The following NOS1 variants were observed in gnomAD, a reference collection of about 807,000 sequenced individuals.
The protein encoded by NOS1 is nitric oxide synthase 1.
A neutral mutation model predicts 164.5 loss-of-function variants in NOS1; 51 were observed. The ratio of observed to expected loss-of-function variants is 0.31; its 90% CI spans 0.25 to 0.39. NOS1 has a LOEUF of 0.39. NOS1 is among the 10% of genes least tolerant of loss of function. The pLI is 1.00. For missense variants in NOS1, 1,362 were observed against 1,885.6 expected (o/e 0.72, Z 5.14); for synonymous variants, 719 against 745.8 (o/e 0.96, Z 0.59).
intron 9 of NOS1, among the ~76,000 whole-genome samples, chr12:117,273,168 T>C (rs1872918461): frequency 6.6e-6 from 1 of 152,194 alleles, no homozygotes; most frequent in African/African-American, 2.4e-5. Context: ...TTTGCAGCAC[T>C]TTATTAAAAT....
At chr12:117,352,761 T>G (rs955320039) in intron 1 of NOS1, among the ~76,000 whole-genome samples, 4 of 152,146 alleles carry the variant, frequency 2.6e-5, no homozygotes, top group Non-Finnish European at 4.4e-5. Context: ...TATATGCATG[T>G]GCACATGTAT....
At chr12:117,340,768 A>G (rs1004355) in intron 1 of NOS1, among the ~76,000 whole-genome samples, 16,881 of 147,734 alleles carry the variant, frequency 0.11, 1,090 homozygotes, top group Admixed American at 0.19. Context: ...TCTGTTGCCC[A>G]GGCTGAGTGC....
intron 21 of NOS1, among the ~76,000 whole-genome samples, chr12:117,232,489 A>C (rs931334313): frequency 1.3e-5 from 2 of 152,048 alleles, no homozygotes; most frequent in Admixed American, 6.6e-5. Flanking sequence ...TCAGCCTCTC[A>C]CCCCCTGAAT....
Position 117,247,469 on chromosome 12 carries a change from C to T in NOS1, c.2702G>A (p.Gly901Glu). The change falls in exon 18 of 29, where the codon GGA becomes GAA. Residue 901 changes from glycine to glutamate, a missense_variant. By Grantham distance (98) the Gly-to-Glu change is moderately conservative. Coordinates refer to ENST00000317775, the MANE Select transcript of NOS1 (RefSeq NM_000620.5). ...SRAYPHFCAF[G>E]HAVDTLLEEL... ...TTCCAGGAGGGTGTCCACAGCGTGT[C>T]CGAAGGCGCAAAAGTGAGGGTATGC... The T allele has an allele frequency of 6.2e-7, 1 of 1,612,892 alleles. No individual in the cohort carries two copies. Among genetic ancestry groups the T allele is most frequent in the Non-Finnish European group, 8.5e-7 (1 of 1,179,636 alleles).
In NOS1 at chr12:117,272,416, T is replaced by A; in HGVS notation, c.1808A>T (p.Tyr603Phe). The A allele has an allele frequency of 6.2e-7, 1 of 1,614,110 alleles. No homozygotes were observed. Among genetic ancestry groups the A allele is most frequent in the Non-Finnish European group, 8.5e-7 (1 of 1,180,006 alleles). The stretch of plus-strand genomic sequence containing the variant: ...GATATTGTAGCGGGAGTTGTCACAG[T>A]AGTCGCGGACACCAATCTCTGTGCC... ...YMGTEIGVRD[Y>F]CDNSRYNILE... The change falls in exon 10 of 29, where the codon TAC becomes TTC. Residue 603 changes from tyrosine to phenylalanine, a missense_variant. This residue lies in a region of NOS1 where 134 missense variants were observed against 267.3 expected (regional missense o/e 0.50). Coordinates refer to ENST00000317775, the MANE Select transcript of NOS1 (RefSeq NM_000620.5). This position sits in a 1 kb window ranked among gnomAD's most constrained non-coding sequence, Gnocchi z 4.3.
At chr12:117,300,906 C>T (rs1260506896) in intron 3 of NOS1, among the ~76,000 whole-genome samples, 1 of 152,140 alleles carries the variant, frequency 6.6e-6, no homozygotes, top group African/African-American at 2.4e-5. Context: ...GAGATGTCAG[C>T]CTCAAGGGAG....
intron 14 of NOS1, among the ~76,000 whole-genome samples, chr12:117,259,958 A>G (rs1376647277): frequency 6.6e-6 from 1 of 152,010 alleles, no homozygotes; most frequent in Non-Finnish European, 1.5e-5. Context: ...TCTCTACTAA[A>G]AACACAAAAA....
chr12:117,346,244 G>A (rs187564296), intron 1 of NOS1, among the ~76,000 whole-genome samples: 38 of 152,346 alleles, frequency 2.5e-4, no homozygotes, highest in African/African-American at 8.9e-4. Flanking sequence ...GCTGAGGCGA[G>A]CGGATCACCT....
Position 117,265,315 on chromosome 12 carries a change from C to T in NOS1, c.2136+1G>A, listed in dbSNP as rs1313851187. ...GAAAAGAGGCAGGGACAGGGAAGGA[C>T]CTGGTATTCGAAGGAGGGGGTGAGC... On this transcript the variant is annotated splice_donor_variant, in intron 12 of 28. Transcript: ENST00000317775. LOFTEE classifies it high-confidence loss of function. 6.5e-7 allele frequency: 1 copy of T among 1,540,852 alleles called. No homozygotes were observed. The highest frequency in any genetic ancestry group is 8.8e-7 in the Non-Finnish European group (1 of 1,137,962).
intron 1 of NOS1, among the ~76,000 whole-genome samples, chr12:117,361,091 G>A (rs1021425855): frequency 6.6e-6 from 1 of 152,122 alleles, no homozygotes; most frequent in Non-Finnish European, 1.5e-5. Context: ...CCTGGGGACG[G>A]AGAAGGGGCG....
Position 117,330,212 on chromosome 12 carries a change from T to C in NOS1, c.725+133A>G, listed in dbSNP as rs1178999806. On this transcript the variant is annotated intron_variant, in intron 2 of 28. Transcript: ENST00000317775. This position sits in a 1 kb window ranked among gnomAD's most constrained non-coding sequence, Gnocchi z 4.6. ...GATCAAGGGGGCCGTCAAGTGGTTA[T>C]GCAAAAACAGGTATCTGAGACAGCC... 2.9e-6 allele frequency: 4 copies of C among 1,376,536 alleles called. No individual in the cohort carries two copies. Among genetic ancestry groups the C allele is most frequent in the East Asian group, 2.5e-5 (1 of 40,306 alleles). 85.3% of individuals were successfully genotyped at this position (1,376,536 alleles called of 1,614,324 possible). A position where few individuals can be genotyped will look rare whatever the true frequency, so the allele number is the denominator to read the frequency against.
Position 117,218,058 on chromosome 12 carries a change from T to G in NOS1, c.4277A>C (p.Lys1426Thr). The G allele has an allele frequency of 6.2e-7, 1 of 1,613,554 alleles. No individual in the cohort carries two copies. Among genetic ancestry groups the G allele is most frequent in the South Asian group, 1.1e-5 (1 of 91,054 alleles). ...GGAGCCAGCTTACTCATCGGTGTCTTTTTTGCTCTCTTCAATGAAGGCAAT... is the reference window on the plus strand; with the variant it reads ...GGAGCCAGCTTACTCATCGGTGTCTGTTTTGCTCTCTTCAATGAAGGCAAT... ...ESIAFIEESKKDTDEVFSS is the reference protein window; with the variant it reads ...ESIAFIEESKTDTDEVFSS Residue 1426 changes from lysine to threonine, a missense_variant, in exon 28 of 29, where the codon AAA (lysine) becomes ACA (threonine). Around this residue, in one of 4 missense-constraint regions of NOS1, gnomAD observed 737 missense variants for 1,030.3 expected, o/e 0.72. Coordinates refer to ENST00000317775, the MANE Select transcript of NOS1 (RefSeq NM_000620.5).
At chr12:117,359,210 C>A (rs1010479698) in intron 1 of NOS1, among the ~76,000 whole-genome samples, 6 of 134,570 alleles carry the variant, frequency 4.5e-5, no homozygotes, top group African/African-American at 1.8e-4. Context: ...CCCGCCGTGG[C>A]GGTGCTGGTG....
At chr12:117,335,273 C>G (rs918400180) in intron 1 of NOS1, among the ~76,000 whole-genome samples, 3 of 152,128 alleles carry the variant, frequency 2.0e-5, no homozygotes, top group Non-Finnish European at 4.4e-5. Context: ...GCATCTCACG[C>G]CGGTCTGGGT....
rs1177993208 is a variant in NOS1, at chr12:117,331,891, CG to C, written c.-420-403del. ...TTGTATACATTTTCCATCCATAGCT[CG>C]GGGGCTCAGCTGGCACAGATTTTTG... is the stretch of plus-strand genomic sequence containing the variant. On this transcript the variant is annotated intron_variant, in intron 1 of 28. Transcript: ENST00000317775. 3.2e-4 allele frequency among the ~76,000 whole-genome samples: 49 copies of C among 152,162 alleles called. 1 individual carries two copies. Among genetic ancestry groups the C allele is most frequent in the Non-Finnish European group, 5.6e-4 (38 of 68,048 alleles).
In NOS1 at chr12:117,359,873, GTT is replaced by G. The variant is rs1366549368; in HGVS notation, c.-421+1637_-421+1638del. The stretch of plus-strand genomic sequence containing the variant: ...CCGGTCCCAGAGCATTACAATAATG[GTT>G]TTATATATATATATATATATATATA... On this transcript the variant is annotated intron_variant, in intron 1 of 28. Transcript: ENST00000317775. Among the ~76,000 whole-genome samples the G allele has an allele frequency of 1.5e-3, 51 of 33,976 alleles. 7 individuals are homozygous for G. Among genetic ancestry groups the G allele is most frequent in the South Asian group, 8.3e-3 (5 of 606 alleles). The allele number at this position is 33,976 out of a possible 152,430, so 22.3% of individuals were successfully genotyped here.
At chr12:117,340,754 T>G (rs1384037919) in intron 1 of NOS1, among the ~76,000 whole-genome samples, 1 of 151,174 alleles carries the variant, frequency 6.6e-6, no homozygotes, top group Admixed American at 6.6e-5. Context: ...AGACGTAATC[T>G]TGCTCTGTTG....
chr12:117,215,374 C>T, intron 28 of NOS1, 50 bp from the exon 29 acceptor site: 2 of 1,463,644 alleles, frequency 1.4e-6, no homozygotes, highest in Non-Finnish European at 9.1e-7. Flanking sequence ...GGCAAGGCTG[C>T]TGTTTCCTCT....
At chr12:117,263,340 T>G (rs1872095322) in intron 13 of NOS1, among the ~76,000 whole-genome samples, 1 of 151,962 alleles carries the variant, frequency 6.6e-6, no homozygotes, top group Admixed American at 6.6e-5. Flanking sequence ...CTGGGTTCAG[T>G]GACTTCCTAG....
Sources: allele counts gnomAD v4.1 joint callset (sites outside exome capture counted in the v4.1 genomes callset), GRCh38; gene constraint gnomAD v4.1.1; regional missense constraint gnomAD v4.1.1; non-coding constraint Gnocchi (gnomAD v3.1); transcripts MANE v1.5; gene names NCBI Gene and HGNC (gene_info 2026-07-23, HGNC 2026-07-21).